RASSF1: variants seen among roughly 807,000 people sequenced by gnomAD.
RASSF1 encodes Ras association domain family member 1.
A neutral mutation model predicts 34.3 loss-of-function variants in RASSF1; 33 were observed. The observed-to-expected ratio is 0.96, with a 90% CI of 0.73 to 1.29. The LOEUF is 1.29. Among genes scored for constraint, RASSF1 ranks in the 50% most tolerant of loss-of-function variants. RASSF1 has a pLI of 0.00. For missense variants in RASSF1, 445 were observed against 471.8 expected (o/e 0.94, Z 0.53); for synonymous variants, 191 against 195.0 (o/e 0.98, Z 0.17).
chr3:50,330,365 C>CCCAGTA lies in RASSF1; in HGVS notation c.*210_*215dup. 1 of 617,022 alleles carries CCCAGTA rather than the reference C, an allele frequency of 1.6e-6. No homozygotes were observed. The highest frequency in any genetic ancestry group is 3.1e-5 in the East Asian group (1 of 32,692). The allele number at this position is 617,022 out of a possible 1,614,324, so 38.2% of individuals were successfully genotyped here. ...TCAGGGCAGCCCTGGCCCACTAAGG[C>CCCAGTA]CCAGTAATGAGGGCAGAGGGGTGCA... On this transcript the variant is annotated 3_prime_UTR_variant, in exon 6 of 6. Coordinates refer to ENST00000359365, the MANE Select transcript of RASSF1 (RefSeq NM_007182.5). The surrounding 1 kb of genome is among the most constrained non-coding windows in gnomAD (Gnocchi z 4.5).
chr3:50,337,426 G>A (rs1337226301), intron 2 of RASSF1: 1 of 1,580,702 alleles, frequency 6.3e-7, no homozygotes, highest in South Asian at 1.1e-5. Context: ...GCCCGGGCCA[G>A]AGCCGCGCCG....
chr3:50,336,964 C>G (rs1034653103), intron 2 of RASSF1: 1 of 691,506 alleles, frequency 1.4e-6, no homozygotes, highest in African/African-American at 1.9e-5. Context: ...GTGACAGAAA[C>G]CAAGGGGGCC....
intron 2 of RASSF1, chr3:50,337,628 C>T: frequency 1.9e-6 from 2 of 1,060,796 alleles, no homozygotes; most frequent in Non-Finnish European, 2.7e-6. Context: ...CAAGAGTGGC[C>T]TCTGGCCGGA....
intron 2 of RASSF1, chr3:50,337,684 G>A (rs1347880401): frequency 2.3e-6 from 2 of 857,432 alleles, no homozygotes; most frequent in Non-Finnish European, 3.6e-6. Context: ...CGGAGCCTGG[G>A]TCAGCCTGGG....
chr3:50,337,495 G>A (rs778279525), intron 2 of RASSF1: 21 of 1,534,780 alleles, frequency 1.4e-5, no homozygotes, highest in Non-Finnish European at 1.6e-5. Context: ...ATTGGGGCAG[G>A]AACGCCGGGG....
At chr3:50,338,262 C>G in intron 1 of RASSF1, 1 of 1,234,178 alleles carries the variant, frequency 8.1e-7, no homozygotes, top group Non-Finnish European at 1.0e-6. Context: ...CAGAACTTCC[C>G]CTTTCCTCAT....
intron 1 of RASSF1, among the ~76,000 whole-genome samples, chr3:50,339,097 C>T (rs1014079907): frequency 1.3e-5 from 2 of 152,232 alleles, no homozygotes; most frequent in Non-Finnish European, 2.9e-5. Flanking sequence ...CCAGTACCTT[C>T]ACTAGGATGT....
chr3:50,337,335 TC>T (rs1304128280), intron 2 of RASSF1: 2 of 1,608,950 alleles, frequency 1.2e-6, no homozygotes, highest in Non-Finnish European at 1.7e-6. Flanking sequence ...TACCCGCCCG[TC>T]CCCCAGTCCT....
rs1264326766 is a variant in RASSF1, at chr3:50,330,622, G to A, written c.982C>T (p.Gln328Ter). 8.1e-6 allele frequency: 13 copies of A among 1,614,032 alleles called. No individual in the cohort carries two copies. Among genetic ancestry groups the A allele is most frequent in the Non-Finnish European group, 1.1e-5 (13 of 1,180,022 alleles). The change falls in exon 6 of 6, where the codon CAG (glutamine) becomes TAG (stop). Residue 328 changes from glutamine (Q) to a stop codon, truncating the protein, a stop_gained. Coordinates refer to ENST00000359365, the MANE Select transcript of RASSF1 (RefSeq NM_007182.5). LOFTEE classifies it high-confidence loss of function. This position sits in a 1 kb window ranked among gnomAD's most constrained non-coding sequence, Gnocchi z 4.5. ...QILQKYSYCRQKIQEALHACP... is the reference protein window; with the variant it reads ...QILQKYSYCR The stretch of plus-strand genomic sequence containing the variant: ...GCGTGCAGGGCCTCTTGGATCTTCT[G>A]GCGGCAATAGGAGTACTTCTGCAGG...
intron 2 of RASSF1, chr3:50,337,333 C>A (rs1004719414): frequency 2.5e-6 from 4 of 1,610,946 alleles, no homozygotes; most frequent in African/African-American, 2.7e-5. Context: ...CGTACCCGCC[C>A]GTCCCCCAGT....
chr3:50,333,391 A>G (rs1209578093), intron 2 of RASSF1, among the ~76,000 whole-genome samples: 1 of 152,240 alleles, frequency 6.6e-6, no homozygotes, highest in Non-Finnish European at 1.5e-5. Context: ...AGGCAGCTTT[A>G]GGCCAGGCTC....
At chr3:50,336,357 G>C (rs920527319) in intron 2 of RASSF1, 1 of 152,122 alleles carries the variant, frequency 6.6e-6, no homozygotes, top group Non-Finnish European at 1.5e-5. Context: ...TCTTTTTCCT[G>C]GTGCCTAGGC....
chr3:50,336,707 T>G (rs907778239), intron 2 of RASSF1: 5 of 170,590 alleles, frequency 2.9e-5, no homozygotes, highest in African/African-American at 9.6e-5. Context: ...CATACAGGAG[T>G]GCAGATGGAG....
intron 1 of RASSF1, 99 bp downstream of exon 1, chr3:50,340,457 G>A: frequency 7.4e-7 from 1 of 1,355,962 alleles, no homozygotes; most frequent in Non-Finnish European, 9.5e-7. Context: ...CTCGGGAGCT[G>A]TCCCCGCCGA....
Position 50,332,148 on chromosome 3 carries a change from G to T in RASSF1, c.364C>A (p.Pro122Thr), listed in dbSNP as rs1281135624. Residue 122 changes from proline (P) to threonine (T), a missense_variant, in exon 3 of 6, where the codon CCT becomes ACT. Pro to Thr is a conservative substitution (Grantham distance 38). Transcript: ENST00000359365. Reference protein sequence around the residue: ...AVERDTNVDEPVEWETPDLSQ... With the variant: ...AVERDTNVDETVEWETPDLSQ... Reference sequence around the variant, plus strand: ...AGGTCAGGTGTCTCCCACTCCACAGGCTCGTCCTGCAAGATGGGCCAGCAT... The same window carrying T: ...AGGTCAGGTGTCTCCCACTCCACAGTCTCGTCCTGCAAGATGGGCCAGCAT... The T allele has an allele frequency of 6.2e-7, 1 of 1,614,108 alleles. No individual in the cohort carries two copies. Among genetic ancestry groups the T allele is most frequent in the Admixed American group, 1.7e-5 (1 of 60,020 alleles).
At position 50,337,914 on chromosome 3, in the gene RASSF1, G is replaced by C; in HGVS notation, c.348C>G (p.Asp116Glu). ...TCGGCCCCGCGCTCACCACGTTCGT[G>C]TCCCGCTCCACCGCGGGTTCCCAGC... ...DLGWEPAVER[D>E]TNVDEPVEWE... The change falls in exon 2 of 6, where the codon GAC becomes GAG. Residue 116 changes from aspartate (D) to glutamate (E), a missense_variant. Coordinates refer to ENST00000359365, the MANE Select transcript of RASSF1 (RefSeq NM_007182.5). 1 of 1,608,090 alleles carries C rather than the reference G, an allele frequency of 6.2e-7. No homozygotes were observed. Among genetic ancestry groups the C allele is most frequent in the Non-Finnish European group, 8.5e-7 (1 of 1,175,246 alleles).
In RASSF1 at chr3:50,340,698, C is replaced by T. The variant is rs112091053; in HGVS notation, c.108G>A (p.Arg36=). 6.5e-7 allele frequency: 1 copy of T among 1,530,654 alleles called. No homozygotes were observed. Among genetic ancestry groups the T allele is most frequent in the Admixed American group, 2.0e-5 (1 of 50,510 alleles). 94.8% of individuals were successfully genotyped at this position (1,530,654 alleles called of 1,614,324 possible). Residue 36 remains arginine (R), a synonymous_variant, in exon 1 of 6, where the codon CGG becomes CGA. Transcript: ENST00000359365. ...GCCGTGTGGGGTTGCACGCGGTGCCCCGCGCGATGCGCAGCGCGTTGGCAC... is the reference window on the plus strand; with the variant it reads ...GCCGTGTGGGGTTGCACGCGGTGCCTCGCGCGATGCGCAGCGCGTTGGCAC... ...LERANALRIA[R]GTACNPTRQL... is the part of the protein sequence containing the mutation.
Position 50,331,953 on chromosome 3 carries a change from C to A in RASSF1, c.462+97G>T, listed in dbSNP as rs975334939. On this transcript the variant is annotated intron_variant, in intron 3 of 5. Transcript: ENST00000359365. The stretch of plus-strand genomic sequence containing the variant: ...GGGTATGCACAAATTACTGCTTGCG[C>A]CCACCCAAGATAACCTCAGTTGTGA... 5.1e-6 allele frequency: 8 copies of A among 1,559,222 alleles called. No individual in the cohort carries two copies. The African/African-American group carries it at 1.1e-4, about 21-fold the overall frequency.
At chr3:50,338,217 G>T in intron 1 of RASSF1, 2 of 1,401,778 alleles carry the variant, frequency 1.4e-6, no homozygotes, top group Non-Finnish European at 1.9e-6. Flanking sequence ...CAGGCAGAGA[G>T]GCCTGCTCAA....
Sources: gnomAD v4.1 joint callset for allele counts (sites outside exome capture counted in the v4.1 genomes callset) on GRCh38, gnomAD v4.1.1 for gene constraint, Gnocchi (gnomAD v3.1) non-coding constraint, MANE v1.5 for transcripts, NCBI Gene and HGNC (gene_info 2026-07-23, HGNC 2026-07-21) for gene names.